The following ZNF184 variants were observed in gnomAD, a reference collection of about 807,000 sequenced individuals.
The protein encoded by ZNF184 is zinc finger protein 184 (Kruppel-like).
Under a neutral mutation model 54.4 loss-of-function variants are expected in ZNF184, and 16 were observed. That is an observed-to-expected ratio of 0.29 (90% CI 0.20 to 0.45). The LOEUF (loss-of-function observed/expected upper bound fraction) is 0.45. ZNF184 is among the 20% of genes least tolerant of loss of function. The pLI is 1.00. For missense variants in ZNF184, 681 were observed against 888.2 expected, an observed-to-expected ratio of 0.77 and a Z score of 2.97; for synonymous variants, 254 against 295.3, an observed-to-expected ratio of 0.86 and a Z score of 1.43.
the ZNF184 span, among the ~76,000 whole-genome samples, chr6:27,425,440 C>G: frequency 1.3e-5 from 2 of 152,256 alleles, no homozygotes; most frequent in Non-Finnish European, 2.9e-5. Flanking sequence ...AAAATCCTTA[C>G]ATGCTAACAA....
At chr6:27,462,963 G>A (rs1424382121) in intron 3 of ZNF184, among the ~76,000 whole-genome samples, 1 of 151,004 alleles carries the variant, frequency 6.6e-6, no homozygotes, top group Admixed American at 6.6e-5. Context: ...CAGAAGAGAC[G>A]TTAGAGTTAA....
intron 3 of ZNF184, among the ~76,000 whole-genome samples, chr6:27,466,468 T>G (rs549943210): frequency 6.6e-6 from 1 of 152,194 alleles, no homozygotes; most frequent in South Asian, 2.1e-4. Context: ...TGCTCACTGA[T>G]AGTTTACCAA....
chr6:27,456,085 G>A (rs1475809668), intron 5 of ZNF184, among the ~76,000 whole-genome samples: 7 of 151,802 alleles, frequency 4.6e-5, no homozygotes, highest in East Asian at 3.9e-4. Context: ...TGGCGAAACC[G>A]TGTCTCCACT....
chr6:27,436,257 A>G, the ZNF184 span, among the ~76,000 whole-genome samples: 1 of 152,038 alleles, frequency 6.6e-6, no homozygotes, highest in African/African-American at 2.4e-5. Flanking sequence ...TCCGCCTCCC[A>G]GGTTCAAGCA....
chr6:27,418,397 C>T, the ZNF184 span, among the ~76,000 whole-genome samples: 14 of 152,198 alleles, frequency 9.2e-5, no homozygotes, highest in Admixed American at 5.9e-4. Context: ...TGACCATCTC[C>T]ATTTGTTTAA....
intron 3 of ZNF184, among the ~76,000 whole-genome samples, chr6:27,466,391 C>G: frequency 6.6e-6 from 1 of 152,086 alleles, no homozygotes. Context: ...ATTATAGCAG[C>G]AATAGAAAAC....
the ZNF184 span, among the ~76,000 whole-genome samples, chr6:27,417,793 T>G: frequency 1.3e-5 from 2 of 152,182 alleles, no homozygotes; most frequent in Non-Finnish European, 2.9e-5. Context: ...ACCTGAACAC[T>G]AAACTATGTA....
At position 27,451,245 on chromosome 6, in the gene ZNF184, A is replaced by T. The variant is rs1449293895; in HGVS notation, c.*58T>A. ...AATCCACTCTGATTCTTCAGTACTT[A>T]ACAAAAGGACAAACTAAAGTAAATA... is the stretch of plus-strand genomic sequence containing the variant. On this transcript the variant is annotated 3_prime_UTR_variant, in exon 6 of 6. Transcript: ENST00000683788. 2.0e-6 allele frequency: 3 copies of T among 1,516,214 alleles called. No homozygotes were observed. In the African/African-American group the frequency reaches 4.2e-5, roughly 21 times the overall value. 93.9% of individuals were successfully genotyped at this position (1,516,214 alleles called of 1,614,324 possible).
chr6:27,423,302 G>A, the ZNF184 span, among the ~76,000 whole-genome samples: 1 of 152,188 alleles, frequency 6.6e-6, no homozygotes, highest in Non-Finnish European at 1.5e-5. Flanking sequence ...AGTGGGTCTC[G>A]TTTTGCGGGG....
intron 2 of ZNF184, among the ~76,000 whole-genome samples, chr6:27,469,724 G>GA (rs1227498297): frequency 1.3e-4 from 19 of 151,936 alleles, no homozygotes; most frequent in East Asian, 1.9e-4. Context: ...TAAAAACTAA[G>GA]AAAAAACAAT....
chr6:27,442,874 GAAAGAAAA>G, the ZNF184 span, among the ~76,000 whole-genome samples: 3 of 67,394 alleles, frequency 4.5e-5, no homozygotes, highest in Non-Finnish European at 6.5e-5. Flanking sequence ...AAGAAAGAAA[GAAAGAAAA>G]AGAAAAAAAG....
chr6:27,466,118 C>G (rs1039336920), intron 3 of ZNF184, among the ~76,000 whole-genome samples: 2 of 151,288 alleles, frequency 1.3e-5, no homozygotes. Flanking sequence ...GACAGAAAGA[C>G]AGAAGACAAG....
chr6:27,451,282 T>C lies in ZNF184; in HGVS notation c.*21A>G, dbSNP rs1436250781. 1.3e-6 allele frequency: 2 copies of C among 1,550,192 alleles called. No homozygotes were observed. The highest frequency in any genetic ancestry group is 1.7e-6 in the Non-Finnish European group (2 of 1,150,422). On this transcript the variant is annotated 3_prime_UTR_variant, in exon 6 of 6. Coordinates refer to ENST00000683788, the MANE Select transcript of ZNF184 (RefSeq NM_001318891.2). Reference sequence around the variant, plus strand: ...AACTAAAGTAAATATCTCCCCTAAATTTATGATGTTCCTAGAATTGTCATA... The same window carrying C: ...AACTAAAGTAAATATCTCCCCTAAACTTATGATGTTCCTAGAATTGTCATA...
intron 2 of ZNF184, among the ~76,000 whole-genome samples, chr6:27,471,109 A>T (rs1763263799): frequency 6.6e-6 from 1 of 152,190 alleles, no homozygotes; most frequent in South Asian, 2.1e-4. Flanking sequence ...ATACCTAAAG[A>T]ATGTAAAGAC....
chr6:27,472,617 A>C lies in ZNF184; in HGVS notation c.-140+112T>G, dbSNP rs1581593452. ...GCGGGTTCTGCTTCAGATCCAAAAA[A>C]CCCTTGGTGCCCACCCTAGAATCTG... is the stretch of plus-strand genomic sequence containing the variant. On this transcript the variant is annotated intron_variant, in intron 1 of 5. Coordinates refer to ENST00000683788, the MANE Select transcript of ZNF184 (RefSeq NM_001318891.2). The surrounding 1 kb of genome is among the most constrained non-coding windows in gnomAD (Gnocchi z 4.8). 3 of 336,860 alleles carry C rather than the reference A, an allele frequency of 8.9e-6. No homozygotes were observed. The highest frequency in any genetic ancestry group is 4.0e-5 in the South Asian group (1 of 25,236). 20.9% of individuals were successfully genotyped at this position (336,860 alleles called of 1,614,324 possible).
chr6:27,454,343 G>A (rs1347363668), intron 5 of ZNF184, among the ~76,000 whole-genome samples: 3 of 152,130 alleles, frequency 2.0e-5, no homozygotes, highest in Admixed American at 6.6e-5. Flanking sequence ...CTCCACACCT[G>A]GCACTACAGG....
At chr6:27,411,196 T>G in the ZNF184 span, among the ~76,000 whole-genome samples, 2 of 152,268 alleles carry the variant, frequency 1.3e-5, no homozygotes, top group African/African-American at 4.8e-5. Context: ...TGGCCTCACA[T>G]AGGGGAAGTG....
Position 27,451,694 on chromosome 6 carries a change from G to A in ZNF184, c.1865C>T (p.Ala622Val). The A allele has an allele frequency of 6.2e-7, 1 of 1,614,028 alleles. No individual in the cohort carries two copies. The change falls in exon 6 of 6, where the codon GCC becomes GTC. Residue 622 changes from alanine (A) to valine (V), a missense_variant. By Grantham distance (64) the Ala-to-Val change is moderately conservative. Transcript: ENST00000683788. ...AGCAAGAGATGAACAATGTCGAAAGGCTTTACCACACTCAGCACACTCATA... is the reference window on the plus strand; with the variant it reads ...AGCAAGAGATGAACAATGTCGAAAGACTTTACCACACTCAGCACACTCATA... ...KPYECAECGK[A>V]FRHCSSLAQH...
the ZNF184 span, among the ~76,000 whole-genome samples, chr6:27,423,794 CAA>C: frequency 3.9e-5 from 6 of 152,256 alleles, no homozygotes; most frequent in South Asian, 1.2e-3. Context: ...TTATACTTAA[CAA>C]AATGTTCACA....
Sources: allele counts gnomAD v4.1 joint callset (sites outside exome capture counted in the v4.1 genomes callset), GRCh38; gene constraint gnomAD v4.1.1; non-coding constraint Gnocchi (gnomAD v3.1); transcripts MANE v1.5; gene names NCBI Gene and HGNC (gene_info 2026-07-23, HGNC 2026-07-21).